The following MMP24 variants were observed in gnomAD, a reference collection of about 807,000 sequenced individuals.
MMP24 encodes the protein matrix metallopeptidase 24.
MMP24 carries 25 observed loss-of-function variants against 62.8 expected under a neutral mutation model. The ratio of observed to expected loss-of-function variants is 0.40; its 90% confidence interval spans 0.29 to 0.56. MMP24 has a LOEUF of 0.56. MMP24 is among the 20% of genes least tolerant of loss of function. The probability of loss-of-function intolerance (pLI) is 0.50; values close to 1 mark genes in which losing one functional copy is unlikely to be tolerated. For synonymous variants in MMP24, 319 were observed against 350.5 expected (o/e 0.91, Z 1.00); for missense variants, 634 against 853.6 (o/e 0.74, Z 3.21).
rs1182020005 is a variant in MMP24, at chr20:35,251,895, C to T, written c.396-10C>T. ...GCATATGCGTGTGTGTGTGTCCTCT[C>T]TCTGCCCAGGTGGATGAAGAAACCC... On this transcript the variant is annotated splice_polypyrimidine_tract_variant and intron_variant, in intron 2 of 8. Transcript: ENST00000246186. 2 of 1,607,542 alleles carry T rather than the reference C, an allele frequency of 1.2e-6. No homozygotes were observed. Among genetic ancestry groups the T allele is most frequent in the Admixed American group, 1.7e-5 (1 of 59,992 alleles).
intron 4 of MMP24, among the ~76,000 whole-genome samples, chr20:35,260,410 A>G (rs6058213): frequency 0.078 from 11,936 of 152,320 alleles, 1,292 homozygotes; most frequent in African/African-American, 0.24. Flanking sequence ...AGTCTCCCAC[A>G]GTGCTCAGAG....
intron 1 of MMP24, among the ~76,000 whole-genome samples, chr20:35,229,660 T>G (rs1880271313): frequency 1.3e-5 from 2 of 152,178 alleles, no homozygotes; most frequent in African/African-American, 4.8e-5. Context: ...TTCTGTCTTT[T>G]AAGCCCTCTG....
intron 1 of MMP24, among the ~76,000 whole-genome samples, chr20:35,239,684 A>C (rs1409706599): frequency 6.6e-6 from 1 of 152,184 alleles, no homozygotes; most frequent in African/African-American, 2.4e-5. Flanking sequence ...AAAATTAGCC[A>C]GGCGTGGTGG....
chr20:35,262,627 A>T (rs2060609922), intron 4 of MMP24: 2 of 147,524 alleles, frequency 1.4e-5, no homozygotes, highest in South Asian at 4.2e-4. Context: ...CAACTGCAAG[A>T]GGCATTCCTT....
intron 1 of MMP24, among the ~76,000 whole-genome samples, chr20:35,244,346 A>T (rs533765954): frequency 6.6e-6 from 1 of 152,162 alleles, no homozygotes; most frequent in East Asian, 1.9e-4. Context: ...AAATACACGG[A>T]TGTTTTCCTC....
intron 8 of MMP24, among the ~76,000 whole-genome samples, chr20:35,273,171 TCA>T (rs1375278517): frequency 6.6e-6 from 1 of 151,800 alleles, no homozygotes; most frequent in Non-Finnish European, 1.5e-5. Context: ...GGTGGGAGGA[TCA>T]CTTGAGGCCA....
intron 7 of MMP24, among the ~76,000 whole-genome samples, chr20:35,270,462 G>A (rs574901426): frequency 2.2e-4 from 33 of 152,380 alleles, no homozygotes; most frequent in Non-Finnish European, 3.7e-4. Context: ...GCCTTGGAAA[G>A]CTGTGAGAAA....
rs1273652600 is a variant in MMP24, at chr20:35,226,890, G to A, written c.152G>A (p.Arg51Gln). 26 of 977,176 alleles carry A rather than the reference G, an allele frequency of 2.7e-5. No individual in the cohort carries two copies. Among genetic ancestry groups the A allele is most frequent in the Non-Finnish European group, 3.1e-5 (26 of 826,196 alleles). The allele number at this position is 977,176 out of a possible 1,614,324, so 60.5% of individuals were successfully genotyped here. A position where few individuals can be genotyped will look rare whatever the true frequency, so the allele number is the denominator to read the frequency against. Residue 51 changes from arginine (R) to glutamine (Q), a missense_variant, in exon 1 of 9, where the codon CGG (arginine) becomes CAG (glutamine). Physicochemically the swap from Arg to Gln is conservative, Grantham distance 43. This residue lies in a region of MMP24 where 212 missense variants were observed against 259.6 expected (regional missense o/e 0.82). Coordinates refer to ENST00000246186, the MANE Select transcript of MMP24 (RefSeq NM_006690.4). ...CTCTGCTGCCTCCCGGGCGCCGCGC[G>A]GGCGGCGGCGGCGGCGGCGGGGGCA... ...PALCCLPGAA[R>Q]AAAAAAGAGN...
At chr20:35,267,160 C>T (rs141031614) in intron 5 of MMP24, 45 bp from the exon 6 acceptor site, 27 of 1,471,660 alleles carry the variant, frequency 1.8e-5, no homozygotes, top group African/African-American at 1.4e-4. Flanking sequence ...CAATGGGAGG[C>T]GGGAAACGGC....
At position 35,268,728 on chromosome 20, in the gene MMP24, G is replaced by C. The variant is rs769060434; in HGVS notation, c.1195-1032G>C. On this transcript the variant is annotated intron_variant, in intron 6 of 8. Transcript: ENST00000246186. ...TTTTATCATCCCCATTTACACATAA[G>C]AAAACTGAGGCCTGGAGGCTGGGCG... is the stretch of plus-strand genomic sequence containing the variant. Among the ~76,000 whole-genome samples, 20 of 152,252 alleles carry C rather than the reference G, an allele frequency of 1.3e-4. No homozygotes were observed. In the South Asian group the frequency reaches 2.3e-3, roughly 17 times the overall value.
chr20:35,274,442 G>A lies in MMP24; in HGVS notation c.1771G>A (p.Val591Met). Residue 591 changes from valine (V) to methionine (M), a missense_variant, in exon 9 of 9, where the codon GTG becomes ATG. Transcript: ENST00000246186. This position sits in a 1 kb window ranked among gnomAD's most constrained non-coding sequence, Gnocchi z 5.1. The part of the protein sequence containing the change: ...RLPQDDVDIM[V>M]TINDVPGSVN... ...GCCCCAGGACGACGTGGACATCATG[G>A]TGACCATCAACGATGTGCCGGGCTC... 1 of 1,613,996 alleles carries A rather than the reference G, an allele frequency of 6.2e-7. No individual in the cohort carries two copies. The highest frequency in any genetic ancestry group is 8.5e-7 in the Non-Finnish European group (1 of 1,179,876).
chr20:35,274,690 G>C lies in MMP24; in HGVS notation c.*81G>C. 2.4e-6 allele frequency: 3 copies of C among 1,257,674 alleles called. No individual in the cohort carries two copies. Among genetic ancestry groups the C allele is most frequent in the South Asian group, 1.5e-5 (1 of 65,934 alleles). The allele number at this position is 1,257,674 out of a possible 1,614,324, so 77.9% of individuals were successfully genotyped here. A position where few individuals can be genotyped will look rare whatever the true frequency, so the allele number is the denominator to read the frequency against. On this transcript the variant is annotated 3_prime_UTR_variant, in exon 9 of 9. Transcript: ENST00000246186. The surrounding 1 kb of genome is among the most constrained non-coding windows in gnomAD (Gnocchi z 5.1). Reference sequence around the variant, plus strand: ...AGGGTCTGAGGGGCAGCTCTGGCCAGTGCTCACCAGGGCCAGCAGGGCCCT... The same window carrying C: ...AGGGTCTGAGGGGCAGCTCTGGCCACTGCTCACCAGGGCCAGCAGGGCCCT...
rs2146194087 is a variant in MMP24 at position 35,226,971 on chromosome 20, C to A, written c.233C>A (p.Pro78His). 1.0e-6 allele frequency: 1 copy of A among 980,070 alleles called. No individual in the cohort carries two copies. Among genetic ancestry groups the A allele is most frequent in the East Asian group, 1.2e-4 (1 of 8,600 alleles). The allele number at this position is 980,070 out of a possible 1,614,324, so 60.7% of individuals were successfully genotyped here. A position where few individuals can be genotyped will look rare whatever the true frequency, so the allele number is the denominator to read the frequency against. Residue 78 changes from proline (P) to histidine (H), a missense_variant, in exon 1 of 9, where the codon CCC becomes CAC. Coordinates refer to ENST00000246186, the MANE Select transcript of MMP24 (RefSeq NM_006690.4). ...GCGCGGGCGGACGAGGCGGAGGCGC[C>A]CTTCGCCGGGCAGGTGGGGCTGGCG... ...AVARADEAEA[P>H]FAGQNWLKSY...
intron 1 of MMP24, among the ~76,000 whole-genome samples, chr20:35,236,697 G>A (rs1309925874): frequency 2.0e-5 from 3 of 152,162 alleles, no homozygotes; most frequent in Non-Finnish European, 4.4e-5. Context: ...CCAAGGGCTG[G>A]GTGAGGTGGC....
intron 1 of MMP24, among the ~76,000 whole-genome samples, chr20:35,233,340 C>T (rs372393167): frequency 2.0e-5 from 3 of 151,986 alleles, no homozygotes; most frequent in African/African-American, 7.2e-5. Flanking sequence ...ACCTGGGAGG[C>T]GGAGGTTACA....
chr20:35,236,258 C>T (rs1303533015), intron 1 of MMP24: 2 of 152,196 alleles, frequency 1.3e-5, no homozygotes, highest in Admixed American at 1.3e-4. Context: ...TGTAGCATGA[C>T]AGAAAACCCT....
intron 1 of MMP24, among the ~76,000 whole-genome samples, chr20:35,234,736 C>T (rs1568609045): frequency 6.6e-6 from 1 of 152,170 alleles, no homozygotes; most frequent in Non-Finnish European, 1.5e-5. Context: ...GTAGAAGGTA[C>T]AGGACAGAAC....
intron 1 of MMP24, among the ~76,000 whole-genome samples, chr20:35,240,048 C>T (rs138324771): frequency 4.6e-5 from 7 of 152,266 alleles, no homozygotes; most frequent in Non-Finnish European, 7.4e-5. Flanking sequence ...TCTGACCGTA[C>T]GGAATATGCC....
rs2060654709 is a variant in MMP24 at position 35,269,392 on chromosome 20, T to C, written c.1195-368T>C. ...TGGAGGGCGCTCGGCCCAGGCTCAG[T>C]GACCACCCCAGCCTCCCACTGTCCC... On this transcript the variant is annotated intron_variant, in intron 6 of 8. Transcript: ENST00000246186. The surrounding 1 kb of genome is among the most constrained non-coding windows in gnomAD (Gnocchi z 4.6). Among the ~76,000 whole-genome samples, 1 of 152,212 alleles carries C rather than the reference T, an allele frequency of 6.6e-6. No homozygotes were observed. The highest frequency in any genetic ancestry group is 1.5e-5 in the Non-Finnish European group (1 of 68,042).
Sources: allele counts gnomAD v4.1 joint callset (sites outside exome capture counted in the v4.1 genomes callset), GRCh38; gene constraint gnomAD v4.1.1; regional missense constraint gnomAD v4.1.1; non-coding constraint Gnocchi (gnomAD v3.1); transcripts MANE v1.5; gene names NCBI Gene and HGNC (gene_info 2026-07-23, HGNC 2026-07-21).